NCAM2: variants seen among roughly 807,000 people sequenced by gnomAD.
NCAM2 encodes the protein N-CAM-2.
NCAM2 carries 30 observed loss-of-function variants against 98.1 expected under a neutral mutation model. The observed-to-expected ratio is 0.31, with a 90% CI of 0.23 to 0.41. The LOEUF (loss-of-function observed/expected upper bound fraction) is 0.41, where lower values mean the gene tolerates loss of function less well. NCAM2 is among the 10% of genes least tolerant of loss of function. The pLI is 1.00. For synonymous variants in NCAM2, 368 were observed against 342.4 expected, an observed-to-expected ratio of 1.07 and a Z score of -0.83; for missense variants, 867 against 1,005.8, an observed-to-expected ratio of 0.86 and a Z score of 1.87.
chr21:21,277,960 G>T (rs1010308902), intron 1 of NCAM2, among the ~76,000 whole-genome samples: 1 of 152,082 alleles, frequency 6.6e-6, no homozygotes, highest in Non-Finnish European at 1.5e-5. Context: ...ACAGTGAACC[G>T]TGAGCAAATT....
intron 16 of NCAM2, among the ~76,000 whole-genome samples, chr21:21,533,711 T>C (rs993585645): frequency 6.6e-6 from 1 of 151,694 alleles, no homozygotes; most frequent in Non-Finnish European, 1.5e-5. Context: ...TGCCCAATTC[T>C]TCTGTCTCAC....
At chr21:21,119,857 G>T (rs2066635834) in intron 1 of NCAM2, among the ~76,000 whole-genome samples, 1 of 152,126 alleles carries the variant, frequency 6.6e-6, no homozygotes, top group African/African-American at 2.4e-5. Flanking sequence ...TTTGAATCTT[G>T]AAACATTAAT....
chr21:21,201,055 A>C (rs1362108755), intron 1 of NCAM2, among the ~76,000 whole-genome samples: 1 of 152,126 alleles, frequency 6.6e-6, no homozygotes, highest in Non-Finnish European at 1.5e-5. Context: ...GCCCTAATGA[A>C]AGTGAAACTT....
intron 9 of NCAM2, among the ~76,000 whole-genome samples, chr21:21,402,057 G>T (rs2076642099): frequency 6.6e-6 from 1 of 152,102 alleles, no homozygotes; most frequent in African/African-American, 2.4e-5. Flanking sequence ...TGTACAAATT[G>T]ATTGTAAAAC....
chr21:21,382,872 C>T (rs1438987512), intron 9 of NCAM2, among the ~76,000 whole-genome samples: 1 of 151,258 alleles, frequency 6.6e-6, no homozygotes, highest in African/African-American at 2.4e-5. Flanking sequence ...TTTCAATTTG[C>T]TCCATTTTAT....
At chr21:21,302,083 A>G (rs578046474) in intron 5 of NCAM2, among the ~76,000 whole-genome samples, 7 of 148,242 alleles carry the variant, frequency 4.7e-5, no homozygotes, top group African/African-American at 1.5e-4. Context: ...AACTAGAAAT[A>G]CCATTTGACC....
chr21:21,542,273 C>G lies in NCAM2; in HGVS notation c.*4316C>G, dbSNP rs1043252946. The G allele has an allele frequency of 1.3e-5, 2 of 151,536 alleles. No homozygotes were observed. Among genetic ancestry groups the G allele is most frequent in the Admixed American group, 6.6e-5 (1 of 15,144 alleles). 9.4% of individuals were successfully genotyped at this position (151,536 alleles called of 1,614,324 possible). A position where few individuals can be genotyped will look rare whatever the true frequency, so the allele number is the denominator to read the frequency against. On this transcript the variant is annotated 3_prime_UTR_variant, in exon 18 of 18. Coordinates refer to ENST00000400546, the MANE Select transcript of NCAM2 (RefSeq NM_004540.5). ...GTAGATGCAGCTATTTACAATTATA[C>G]AAGAATGCGAATAGATTAATTATAT...
At chr21:21,350,478 A>T (rs966000205) in intron 8 of NCAM2, among the ~76,000 whole-genome samples, 1 of 152,190 alleles carries the variant, frequency 6.6e-6, no homozygotes, top group Non-Finnish European at 1.5e-5. Context: ...CTGGGAAAAA[A>T]ATTATGCCTT....
rs1412683850 is a variant in NCAM2 at position 21,410,371 on chromosome 21, A to G, written c.1293A>G (p.Ser431=). 2.5e-6 allele frequency: 4 copies of G among 1,601,760 alleles called. No homozygotes were observed. The highest frequency in any genetic ancestry group is 3.4e-5 in the Admixed American group (2 of 59,032). Residue 431 remains serine (S), a synonymous_variant, in exon 10 of 18, where the codon TCA becomes TCG. Transcript: ENST00000400546. ...ATGTGAAATCGAATCCACCAGCATCAATTCACTGGAGAAGAGATAAATTAG... is the reference window on the plus strand; with the variant it reads ...ATGTGAAATCGAATCCACCAGCATCGATTCACTGGAGAAGAGATAAATTAG... ...SCDVKSNPPA[S]IHWRRDKLVL...
intron 1 of NCAM2, among the ~76,000 whole-genome samples, chr21:21,026,150 A>G (rs1162200548): frequency 2.0e-5 from 3 of 152,192 alleles, no homozygotes; most frequent in African/African-American, 4.8e-5. Context: ...AGAAACTGAC[A>G]TGAACCTTGG....
In NCAM2 at chr21:21,227,678, G is replaced by A. The variant is rs181007509; in HGVS notation, c.56-52900G>A. On this transcript the variant is annotated intron_variant, in intron 1 of 17. Transcript: ENST00000400546. Reference sequence around the variant, plus strand: ...GGTGGTTTATTTCTCTAGCAGATATGTCTAAATAAAAGCTGTATTAATTTC... The same window carrying A: ...GGTGGTTTATTTCTCTAGCAGATATATCTAAATAAAAGCTGTATTAATTTC... 5.7e-3 allele frequency among the ~76,000 whole-genome samples: 869 copies of A among 151,856 alleles called. 3 individuals are homozygous for A. The highest frequency in any genetic ancestry group is 9.3e-3 in the Non-Finnish European group (633 of 67,750).
intron 1 of NCAM2, among the ~76,000 whole-genome samples, chr21:21,243,334 C>A (rs1451361564): frequency 6.6e-6 from 1 of 152,118 alleles, no homozygotes; most frequent in Admixed American, 6.5e-5. Flanking sequence ...TGAAAAAAGT[C>A]ATAAAATACT....
At chr21:21,066,490 TA>T (rs1311341780) in intron 1 of NCAM2, among the ~76,000 whole-genome samples, 2 of 152,150 alleles carry the variant, frequency 1.3e-5, no homozygotes, top group Non-Finnish European at 2.9e-5. Context: ...TTGCTTCTGC[TA>T]TTGTTATTGG....
intron 8 of NCAM2, among the ~76,000 whole-genome samples, chr21:21,372,232 AG>A (rs1243979002): frequency 2.0e-5 from 3 of 151,848 alleles, no homozygotes; most frequent in Non-Finnish European, 4.4e-5. Flanking sequence ...GATTTTTGAA[AG>A]GACAATAAAC....
intron 9 of NCAM2, among the ~76,000 whole-genome samples, chr21:21,403,347 G>A (rs2076671989): frequency 6.6e-6 from 1 of 152,130 alleles, no homozygotes; most frequent in Admixed American, 6.6e-5. Flanking sequence ...CCACTAGAAT[G>A]TTTCCTGTTG....
intron 1 of NCAM2, among the ~76,000 whole-genome samples, chr21:21,043,271 T>A (rs2064941643): frequency 6.6e-6 from 1 of 152,182 alleles, no homozygotes; most frequent in Admixed American, 6.5e-5. Context: ...GGCTCTGGAC[T>A]CAGTATAACT....
In NCAM2 at chr21:21,486,321, A is replaced by C. The variant is rs1359501265; in HGVS notation, c.2077+8850A>C. On this transcript the variant is annotated intron_variant, in intron 15 of 17. Transcript: ENST00000400546. ...TCCGTCTCAAAAAAAAAAAAAAAAAAAAAAAAACTTCTGCTTCCCTCCTTT... is the reference window on the plus strand; with the variant it reads ...TCCGTCTCAAAAAAAAAAAAAAAAACAAAAAAACTTCTGCTTCCCTCCTTT... Among the ~76,000 whole-genome samples, 6 of 151,010 alleles carry C rather than the reference A, an allele frequency of 4.0e-5. No individual in the cohort carries two copies. In the East Asian group the frequency reaches 7.7e-4, roughly 19 times the overall value.
intron 9 of NCAM2, among the ~76,000 whole-genome samples, chr21:21,374,218 CA>C (rs2075981895): frequency 2.0e-5 from 3 of 151,782 alleles, no homozygotes; most frequent in Admixed American, 2.0e-4. Context: ...TATATTTCAT[CA>C]TTTTGATATT....
chr21:21,217,386 GTA>G (rs1230884750), intron 1 of NCAM2, among the ~76,000 whole-genome samples: 1 of 152,068 alleles, frequency 6.6e-6, no homozygotes, highest in East Asian at 1.9e-4. Flanking sequence ...TTCCTAGTGA[GTA>G]TATGTTACCG....
Sources: gnomAD v4.1 joint callset for allele counts (sites outside exome capture counted in the v4.1 genomes callset) on GRCh38, gnomAD v4.1.1 for gene constraint, MANE v1.5 for transcripts, NCBI Gene and HGNC (gene_info 2026-07-23, HGNC 2026-07-21) for gene names.